CDH12: variants seen among roughly 807,000 people sequenced by gnomAD.
CDH12 encodes cadherin-12.
CDH12 carries 41 observed loss-of-function variants against 74.1 expected under a neutral mutation model. That is an observed-to-expected ratio of 0.55 (90% CI 0.43 to 0.72). The LOEUF is 0.72. Ranked by LOEUF, CDH12 falls within the 30% of genes least tolerant of loss-of-function variation. The probability of loss-of-function intolerance (pLI) is 0.00; values close to 1 mark genes in which losing one functional copy is unlikely to be tolerated. For synonymous variants in CDH12, 399 were observed against 355.0 expected (o/e 1.12, Z -1.39); for missense variants, 945 against 977.2 (o/e 0.97, Z 0.44).
chr5:21,818,673 A>G (rs1192863005), intron 8 of CDH12, among the ~76,000 whole-genome samples: 2 of 152,008 alleles, frequency 1.3e-5, no homozygotes, highest in East Asian at 1.9e-4. Flanking sequence ...TTTATTTTAC[A>G]TATAAGACAA....
At chr5:22,820,575 A>G (rs547848708) in intron 1 of CDH12, among the ~76,000 whole-genome samples, 2 of 152,304 alleles carry the variant, frequency 1.3e-5, no homozygotes, top group Non-Finnish European at 2.9e-5. Context: ...CCACAGAAAT[A>G]CAAACTACCA....
chr5:22,559,484 T>G lies in CDH12; in HGVS notation c.-522-54120A>C, dbSNP rs542002183. 2.4e-3 allele frequency among the ~76,000 whole-genome samples: 367 copies of G among 152,212 alleles called. 2 individuals carry two copies. Among genetic ancestry groups the G allele is most frequent in the Non-Finnish European group, 4.4e-3 (299 of 67,986 alleles). ...AATACACCAACATATGCACATTTTC[T>G]ATACAAAATTATGTAAGCCATTTTG... On this transcript the variant is annotated intron_variant, in intron 1 of 14. Coordinates refer to ENST00000382254, the MANE Select transcript of CDH12 (RefSeq NM_004061.5).
At chr5:21,916,237 A>G (rs1436518593) in intron 6 of CDH12, among the ~76,000 whole-genome samples, 1 of 152,186 alleles carries the variant, frequency 6.6e-6, no homozygotes, top group Non-Finnish European at 1.5e-5. Context: ...AGCCACATAC[A>G]TAAAACTATC....
chr5:22,599,907 T>G (rs1736776393), intron 1 of CDH12, among the ~76,000 whole-genome samples: 1 of 152,180 alleles, frequency 6.6e-6, no homozygotes, highest in Non-Finnish European at 1.5e-5. Flanking sequence ...AAATGGCCAT[T>G]GCTGTGATTA....
At chr5:22,232,452 A>G (rs1442280225) in intron 3 of CDH12, among the ~76,000 whole-genome samples, 1 of 151,982 alleles carries the variant, frequency 6.6e-6, no homozygotes, top group African/African-American at 2.4e-5. Context: ...ACTTTAAATG[A>G]TTGTATTTCT....
At chr5:22,071,315 T>C (rs1244824137) in intron 5 of CDH12, among the ~76,000 whole-genome samples, 4 of 152,164 alleles carry the variant, frequency 2.6e-5, no homozygotes, top group African/African-American at 9.7e-5. Flanking sequence ...TCAGTCTCCT[T>C]CATTTATGCT....
At chr5:22,328,212 A>C (rs535811960) in intron 3 of CDH12, among the ~76,000 whole-genome samples, 3 of 152,354 alleles carry the variant, frequency 2.0e-5, no homozygotes, top group Admixed American at 6.5e-5. Context: ...TTACTAAATC[A>C]GTTTTTTAAA....
intron 4 of CDH12, among the ~76,000 whole-genome samples, chr5:22,149,421 T>G (rs1432005408): frequency 1.3e-5 from 2 of 152,220 alleles, no homozygotes; most frequent in South Asian, 2.1e-4. Context: ...CTTCAATTTA[T>G]TTTGCTTGAG....
chr5:22,422,991 T>C (rs1009812729), intron 2 of CDH12, among the ~76,000 whole-genome samples: 1 of 152,186 alleles, frequency 6.6e-6, no homozygotes, highest in Non-Finnish European at 1.5e-5. Context: ...CATTGAATAC[T>C]GTTATTGACT....
chr5:22,784,302 T>C (rs1020541504), intron 1 of CDH12, among the ~76,000 whole-genome samples: 1 of 152,188 alleles, frequency 6.6e-6, no homozygotes, highest in Non-Finnish European at 1.5e-5. Flanking sequence ...TTCTAAAGTT[T>C]AGTATTCTTG....
intron 1 of CDH12, among the ~76,000 whole-genome samples, chr5:22,656,150 A>AT (rs552923711): frequency 4.8e-4 from 73 of 152,130 alleles, no homozygotes; most frequent in Non-Finnish European, 6.9e-4. Context: ...GATTTTATGG[A>AT]TTTTTTGTGA....
At chr5:22,682,790 C>T (rs1307052534) in intron 1 of CDH12, among the ~76,000 whole-genome samples, 2 of 151,852 alleles carry the variant, frequency 1.3e-5, no homozygotes, top group Non-Finnish European at 2.9e-5. Context: ...TTAAAACCTT[C>T]CTCCCCTCAG....
intron 1 of CDH12, among the ~76,000 whole-genome samples, chr5:22,540,706 G>C (rs1738064732): frequency 1.3e-5 from 2 of 152,104 alleles, no homozygotes; most frequent in Admixed American, 1.3e-4. Context: ...CATTTGTTGT[G>C]TAAATCCAGG....
intron 1 of CDH12, among the ~76,000 whole-genome samples, chr5:22,717,335 T>C (rs1232191940): frequency 1.3e-5 from 2 of 152,172 alleles, no homozygotes; most frequent in African/African-American, 4.8e-5. Flanking sequence ...TTGCCTGCAG[T>C]ATTTAGCACA....
At chr5:22,026,569 C>A (rs1443852336) in intron 5 of CDH12, among the ~76,000 whole-genome samples, 1 of 152,162 alleles carries the variant, frequency 6.6e-6, no homozygotes, top group South Asian at 2.1e-4. Flanking sequence ...CCAGAAAACT[C>A]TTCCCCTTAT....
intron 1 of CDH12, among the ~76,000 whole-genome samples, chr5:22,512,656 C>T (rs1483037965): frequency 6.6e-6 from 1 of 152,152 alleles, no homozygotes; most frequent in African/African-American, 2.4e-5. Context: ...GTTTCCAATG[C>T]CCCTACGATA....
intron 1 of CDH12, among the ~76,000 whole-genome samples, chr5:22,655,364 C>G (rs901207001): frequency 6.6e-6 from 1 of 152,108 alleles, no homozygotes; most frequent in African/African-American, 2.4e-5. Flanking sequence ...CTTCGGTGTC[C>G]TCCTTTACAT....
chr5:22,499,922 C>A (rs530618513), intron 2 of CDH12, among the ~76,000 whole-genome samples: 23 of 152,190 alleles, frequency 1.5e-4, no homozygotes, highest in Admixed American at 7.9e-4. Context: ...TACTGACTAC[C>A]TAAAAATAAT....
At chr5:22,607,866 G>C (rs1015595330) in intron 1 of CDH12, among the ~76,000 whole-genome samples, 2 of 152,216 alleles carry the variant, frequency 1.3e-5, no homozygotes, top group Non-Finnish European at 2.9e-5. Flanking sequence ...TTGAGCCTAA[G>C]GGTGCATAGA....
Sources: gnomAD v4.1 joint callset for allele counts (sites outside exome capture counted in the v4.1 genomes callset) on GRCh38, gnomAD v4.1.1 for gene constraint, MANE v1.5 for transcripts, NCBI Gene and HGNC (gene_info 2026-07-23, HGNC 2026-07-21) for gene names.